The following PCNT variants were observed in gnomAD, a reference collection of about 807,000 sequenced individuals.
PCNT encodes pericentrin, also known as kendrin.
PCNT carries 319 observed loss-of-function variants against 380.4 expected under a neutral mutation model. The ratio of observed to expected loss-of-function variants is 0.84; its 90% CI spans 0.77 to 0.92. The LOEUF is 0.92. PCNT is among the 40% of genes least tolerant of loss of function. The pLI, the probability that PCNT is intolerant of heterozygous loss-of-function variation, is 0.00. For synonymous variants in PCNT, 1,845 were observed against 1,735.2 expected (o/e 1.06, Z -1.57); for missense variants, 4,400 against 4,255.3 (o/e 1.03, Z -0.95).
chr21:46,401,728 G>A lies in PCNT; in HGVS notation c.4962+7G>A, dbSNP rs369388260. 4.3e-5 allele frequency: 70 copies of A among 1,613,972 alleles called. No homozygotes were observed. The African/African-American group carries it at 8.8e-4, about 20-fold the overall frequency. On this transcript the variant is annotated splice_region_variant and intron_variant, in intron 26 of 46. Coordinates refer to ENST00000359568, the MANE Select transcript of PCNT (RefSeq NM_006031.6). ...CCTGCGGCGCGAGAGCGAGGTGAGTGCAGAGTGGGGCCATGGGACTGCCAG... is the reference window on the plus strand; with the variant it reads ...CCTGCGGCGCGAGAGCGAGGTGAGTACAGAGTGGGGCCATGGGACTGCCAG...
At position 46,388,598 on chromosome 21, in the gene PCNT, T is replaced by C; in HGVS notation, c.3465-144T>C. The C allele has an allele frequency of 9.8e-7, 1 of 1,018,120 alleles. No individual in the cohort carries two copies. The highest frequency in any genetic ancestry group is 1.5e-6 in the Non-Finnish European group (1 of 659,992). The allele number at this position is 1,018,120 out of a possible 1,614,324, so 63.1% of individuals were successfully genotyped here. ...TCAGCTTCCTGTGCTCACATGGGCA[T>C]GAGGATCATGTCTTCCGGCCCCGTG... is the stretch of plus-strand genomic sequence containing the variant. On this transcript the variant is annotated intron_variant, in intron 17 of 46. Coordinates refer to ENST00000359568, the MANE Select transcript of PCNT (RefSeq NM_006031.6). This position sits in a 1 kb window ranked among gnomAD's most constrained non-coding sequence, Gnocchi z 4.2.
intron 44 of PCNT, 49 bp from the exon 45 acceptor site, chr21:46,443,761 C>T: frequency 1.3e-6 from 2 of 1,590,214 alleles, no homozygotes; most frequent in Non-Finnish European, 1.7e-6. Flanking sequence ...TACTAAAATG[C>T]ATTCATTTAT....
At chr21:46,444,611 ACT>A in intron 45 of PCNT, 81 bp from the exon 46 acceptor site, 1 of 1,507,666 alleles carries the variant, frequency 6.6e-7, no homozygotes, top group Non-Finnish European at 9.1e-7. Context: ...TTTCTTCTGC[ACT>A]CAGTCACCAT....
intron 26 of PCNT, 50 bp from the exon 27 acceptor site, chr21:46,402,281 T>G (rs1298950835): frequency 1.7e-6 from 2 of 1,207,148 alleles, no homozygotes; most frequent in Non-Finnish European, 2.4e-6. Flanking sequence ...TTAATATTAA[T>G]AGAATATTAG....
In PCNT at chr21:46,399,574, T is replaced by C. The variant is rs747750671; in HGVS notation, c.4585-16T>C. 1 of 1,579,900 alleles carries C rather than the reference T, an allele frequency of 6.3e-7. No individual in the cohort carries two copies. The highest frequency in any genetic ancestry group is 1.1e-5 in the South Asian group (1 of 90,206). ...AACATTCTATTGTATTCCTCAAGCA[T>C]TTTTTGTTGTTTTAGGTTGAGTTGT... is the stretch of plus-strand genomic sequence containing the variant. On this transcript the variant is annotated splice_polypyrimidine_tract_variant and intron_variant, in intron 24 of 46. Transcript: ENST00000359568.
intron 15 of PCNT, among the ~76,000 whole-genome samples, chr21:46,379,276 G>A (rs950692861): frequency 3.3e-5 from 5 of 151,612 alleles, no homozygotes; most frequent in Non-Finnish European, 4.4e-5. Context: ...GCTGCGTGTC[G>A]TGAGCCGCGC....
At chr21:46,415,921 G>T (rs888796849) in intron 29 of PCNT, 148 bp from the exon 30 acceptor site, 2 of 723,984 alleles carry the variant, frequency 2.8e-6, no homozygotes, top group Non-Finnish European at 4.7e-6. Context: ...GTTTCTCATA[G>T]AATTAAATAA....
At chr21:46,383,899 CAGA>C in intron 16 of PCNT, among the ~76,000 whole-genome samples, 2 of 144,148 alleles carry the variant, frequency 1.4e-5, no homozygotes, top group African/African-American at 2.6e-5. Flanking sequence ...CATTCAGTGG[CAGA>C]AGCGCATTCA....
intron 3 of PCNT, among the ~76,000 whole-genome samples, chr21:46,341,832 C>T (rs113850229): frequency 0.05 from 7,653 of 152,148 alleles, 235 homozygotes; most frequent in Non-Finnish European, 0.063. Flanking sequence ...GCATGCACCA[C>T]CATGCCTGGC....
At position 46,326,974 on chromosome 21, in the gene PCNT, A is replaced by G. The variant is rs546541178; in HGVS notation, c.267+385A>G. On this transcript the variant is annotated intron_variant, in intron 2 of 46. Transcript: ENST00000359568. ...GTTGCATTGAGCCGAGATCACGCCAATGCACTCCAGACTGGGTGACAGAGC... is the reference window on the plus strand; with the variant it reads ...GTTGCATTGAGCCGAGATCACGCCAGTGCACTCCAGACTGGGTGACAGAGC... Among the ~76,000 whole-genome samples the G allele has an allele frequency of 7.1e-4, 107 of 151,464 alleles. No individual in the cohort carries two copies. The South Asian group carries it at 0.012, about 17-fold the overall frequency.
chr21:46,397,980 T>C, intron 22 of PCNT, 34 bp from the exon 23 acceptor site: 1 of 1,524,550 alleles, frequency 6.6e-7, no homozygotes, highest in Non-Finnish European at 8.9e-7. Flanking sequence ...CCAGCCCCGT[T>C]GGGGTGGTCC....
chr21:46,324,433 C>T (rs1192674210), intron 1 of PCNT, 151 bp downstream of exon 1: 10 of 730,642 alleles, frequency 1.4e-5, no homozygotes, highest in Non-Finnish European at 2.4e-5. Context: ...CGCTGGAAGC[C>T]GCCTCCTGGC....
Position 46,385,895 on chromosome 21 carries a change from C to G in PCNT, c.3376C>G (p.Leu1126Val). The part of the protein sequence containing the change: ...IEECRSELEV[L>V]QQRRERENRE... ...AGAGTGCCGCTCCGAGTTGGAGGTG[C>G]TGCAGCAGAGGCGGGAGCGGGAGAA... The change falls in exon 17 of 47, where the codon CTG becomes GTG. Residue 1126 changes from leucine to valine, a missense_variant. Physicochemically the swap from Leu to Val is conservative, Grantham distance 32. Coordinates refer to ENST00000359568, the MANE Select transcript of PCNT (RefSeq NM_006031.6). 1 of 1,614,226 alleles carries G rather than the reference C, an allele frequency of 6.2e-7. No individual in the cohort carries two copies. The highest frequency in any genetic ancestry group is 1.1e-5 in the South Asian group (1 of 91,090).
intron 11 of PCNT, 51 bp downstream of exon 11, chr21:46,354,119 C>A: frequency 6.8e-7 from 1 of 1,461,106 alleles, no homozygotes; most frequent in Non-Finnish European, 9.6e-7. Flanking sequence ...CTTGACCTTC[C>A]AGCCCTGCGT....
In PCNT at chr21:46,436,004, G is replaced by A. The variant is rs367928364; in HGVS notation, c.8852G>A (p.Arg2951His). The A allele has an allele frequency of 1.5e-4, 235 of 1,614,008 alleles. No individual in the cohort carries two copies. The highest frequency in any genetic ancestry group is 3.3e-4 in the Middle Eastern group (2 of 6,084). Residue 2951 changes from arginine (R) to histidine (H), a missense_variant, in exon 39 of 47, where the codon CGC becomes CAC. Coordinates refer to ENST00000359568, the MANE Select transcript of PCNT (RefSeq NM_006031.6). ...TCGAAGGACGAGGTGCCTGGCAGCC[G>A]CCTCCACCTAGGTTCTGCCCGCAGG... Reference protein sequence around the residue: ...LESKDEVPGSRLHLGSARRAA... With the variant: ...LESKDEVPGSHLHLGSARRAA...
In PCNT at chr21:46,398,065, C is replaced by T. The variant is rs150243540; in HGVS notation, c.4498C>T (p.Gln1500Ter). 6.3e-7 allele frequency: 1 copy of T among 1,597,332 alleles called. No homozygotes were observed. Among genetic ancestry groups the T allele is most frequent in the Non-Finnish European group, 8.5e-7 (1 of 1,173,078 alleles). ...HEREEFQQEI[Q>*]RLEGQLRQAA... is the part of the protein sequence containing the mutation. ...GCGCGAGGAGTTCCAGCAGGAGATT[C>T]AGAGGCTGGAGGGGCAGCTCCGCCA... Residue 1500 changes from glutamine to a stop codon, truncating the protein, a stop_gained, in exon 23 of 47, where the codon CAG (glutamine) becomes TAG (stop). Coordinates refer to ENST00000359568, the MANE Select transcript of PCNT (RefSeq NM_006031.6). LOFTEE classifies it high-confidence loss of function.
rs540548340 is a variant in PCNT at position 46,366,839 on chromosome 21, C to G, written c.2865C>G (p.Ala955=). The change falls in exon 15 of 47, where the codon GCC becomes GCG. Residue 955 remains alanine (A), a synonymous_variant. Coordinates refer to ENST00000359568, the MANE Select transcript of PCNT (RefSeq NM_006031.6). Reference sequence around the variant, plus strand: ...CCGAACTGCAGACAAAACACGCTGCCGACCTCGGCGCTCTGGAGACCAGAC... The same window carrying G: ...CCGAACTGCAGACAAAACACGCTGCGGACCTCGGCGCTCTGGAGACCAGAC... ...RVAELQTKHA[A]DLGALETRHL... 1.9e-6 allele frequency: 3 copies of G among 1,614,008 alleles called. No individual in the cohort carries two copies. The highest frequency in any genetic ancestry group is 2.5e-6 in the Non-Finnish European group (3 of 1,180,048).
rs1352559181 is a variant in PCNT at position 46,384,425 on chromosome 21, A to G, written c.3313-1407A>G. On this transcript the variant is annotated intron_variant, in intron 16 of 46. Transcript: ENST00000359568. ...ATTCAGCAGCGGAAGCGCATTCACC[A>G]TGTTGTATATTCAGTGATGGAAGCG... Among the ~76,000 whole-genome samples, 47 of 77,284 alleles carry G rather than the reference A, an allele frequency of 6.1e-4. 3 individuals are homozygous for G. Among genetic ancestry groups the G allele is most frequent in the South Asian group, 1.0e-3 (2 of 1,970 alleles). The allele number at this position is 77,284 out of a possible 152,430, so 50.7% of individuals were successfully genotyped here.
intron 31 of PCNT, among the ~76,000 whole-genome samples, chr21:46,421,314 A>AG (rs11380857): frequency 0.18 from 26,902 of 152,084 alleles, 4,387 homozygotes; most frequent in African/African-American, 0.43. Context: ...CCTGTTTTGA[A>AG]GTCTAACACC....
Sources: gnomAD v4.1 joint callset for allele counts (sites outside exome capture counted in the v4.1 genomes callset) on GRCh38, gnomAD v4.1.1 for gene constraint, Gnocchi (gnomAD v3.1) non-coding constraint, MANE v1.5 for transcripts, NCBI Gene and HGNC (gene_info 2026-07-23, HGNC 2026-07-21) for gene names.